Variants in YARS1 observed in about 807,000 individuals in gnomAD.
The protein encoded by YARS1 is tyrosyl-tRNA synthetase 1.
Under a neutral mutation model 62.2 loss-of-function variants are expected in YARS1, and 36 were observed. That is an observed-to-expected ratio of 0.58 (90% CI 0.44 to 0.76). The LOEUF is 0.76. YARS1 is among the 30% of genes least tolerant of loss of function. The pLI is 0.00. For synonymous variants in YARS1, 234 were observed against 244.9 expected (o/e 0.96, Z 0.42); for missense variants, 524 against 639.8 (o/e 0.82, Z 1.95).
intron 6 of YARS1, chr1:32,790,885 A>G: frequency 2.4e-6 from 1 of 421,490 alleles, no homozygotes; most frequent in East Asian, 5.0e-5. Context: ...GCTCTCATTA[A>G]TAAGGCTGAA....
chr1:32,782,225 G>T, intron 9 of YARS1, 179 bp downstream of exon 9: 1 of 1,003,006 alleles, frequency 1.0e-6, no homozygotes, highest in Non-Finnish European at 1.5e-6. Flanking sequence ...ACTTCCTGAT[G>T]TTAACCAAAC....
At chr1:32,796,965 C>A (rs866400023) in intron 5 of YARS1, among the ~76,000 whole-genome samples, 286 of 2,650 alleles carry the variant, frequency 0.11, 31 homozygotes, top group South Asian at 0.17. Context: ...AACTCAGTCT[C>A]AAAAAAAAAA....
rs745729433 is a variant in YARS1, at chr1:32,776,733, G to A, written c.1477-642C>T. 6.6e-6 allele frequency among the ~76,000 whole-genome samples: 1 copy of A among 152,034 alleles called. No homozygotes were observed. The highest frequency in any genetic ancestry group is 1.5e-5 in the Non-Finnish European group (1 of 68,022). ...TATAATCCCAGCATTTCGGGAGGCCGAGGTGGGCGGATCACGAGGTCAGGA... is the reference window on the plus strand; with the variant it reads ...TATAATCCCAGCATTTCGGGAGGCCAAGGTGGGCGGATCACGAGGTCAGGA... On this transcript the variant is annotated intron_variant, in intron 12 of 12. Coordinates refer to ENST00000373477, the MANE Select transcript of YARS1 (RefSeq NM_003680.4). This position sits in a 1 kb window ranked among gnomAD's most constrained non-coding sequence, Gnocchi z 4.0.
intron 4 of YARS1, chr1:32,798,157 C>A: frequency 2.8e-6 from 1 of 362,808 alleles, no homozygotes; most frequent in Non-Finnish European, 5.3e-6. Context: ...CAGGCGAGAG[C>A]CACCATGCCC....
At position 32,810,578 on chromosome 1, in the gene YARS1, A is replaced by G. The variant is rs1226490373; in HGVS notation, c.380+13T>C. On this transcript the variant is annotated intron_variant, in intron 3 of 12. Coordinates refer to ENST00000373477, the MANE Select transcript of YARS1 (RefSeq NM_003680.4). ...ACCAGAGCCACAAGGAGGGTGGATG[A>G]TCAAGCACTTACTTGCTGAGCTGGT... The G allele has an allele frequency of 2.4e-5, 38 of 1,612,472 alleles. No individual in the cohort carries two copies. The highest frequency in any genetic ancestry group is 2.8e-5 in the Non-Finnish European group (33 of 1,180,024).
At position 32,794,311 on chromosome 1, in the gene YARS1, C is replaced by T. The variant is rs186898596; in HGVS notation, c.592-3057G>A. Among the ~76,000 whole-genome samples the T allele has an allele frequency of 1.3e-3, 192 of 152,134 alleles. 1 individual carries two copies. The highest frequency in any genetic ancestry group is 4.5e-3 in the African/African-American group (185 of 41,506). ...GTTGCAGTGAGCCGAGATCATGCCGCTGCCCTTCAGCCTGGGTGATAGAGG... is the reference window on the plus strand; with the variant it reads ...GTTGCAGTGAGCCGAGATCATGCCGTTGCCCTTCAGCCTGGGTGATAGAGG... On this transcript the variant is annotated intron_variant, in intron 5 of 12. Coordinates refer to ENST00000373477, the MANE Select transcript of YARS1 (RefSeq NM_003680.4).
chr1:32,786,093 C>G (rs1383847205), intron 8 of YARS1, among the ~76,000 whole-genome samples: 1 of 152,060 alleles, frequency 6.6e-6, no homozygotes, highest in African/African-American at 2.4e-5. Context: ...GAGACAGAGT[C>G]CCTGCCAGGT....
chr1:32,815,596 G>C (rs1638693742), intron 1 of YARS1, among the ~76,000 whole-genome samples: 1 of 152,188 alleles, frequency 6.6e-6, no homozygotes. Context: ...CCATAAAAAG[G>C]AATGACGTTC....
chr1:32,792,294 C>G (rs1653434570), intron 5 of YARS1, among the ~76,000 whole-genome samples: 1 of 152,148 alleles, frequency 6.6e-6, no homozygotes, highest in African/African-American at 2.4e-5. Flanking sequence ...AAGGACCACA[C>G]CACAGGAGTA....
chr1:32,782,589 G>A, intron 8 of YARS1, 50 bp from the exon 9 acceptor site: 1 of 1,612,362 alleles, frequency 6.2e-7, no homozygotes, highest in Non-Finnish European at 8.5e-7. Context: ...ACAGGGCACA[G>A]GACACCTGAA....
At chr1:32,783,705 C>T (rs545127512) in intron 8 of YARS1, 6 of 152,276 alleles carry the variant, frequency 3.9e-5, no homozygotes, top group Admixed American at 1.3e-4. Flanking sequence ...TACAACAAAG[C>T]GAACATTTTT....
intron 12 of YARS1, among the ~76,000 whole-genome samples, chr1:32,778,011 C>T (rs757182009): frequency 2.0e-5 from 3 of 151,964 alleles, no homozygotes; most frequent in Non-Finnish European, 2.9e-5. Flanking sequence ...CAAAGTCAGC[C>T]TAGAAAACCA....
In YARS1 at chr1:32,797,757, A is replaced by T. The variant is rs761333566; in HGVS notation, c.591+6T>A. The T allele has an allele frequency of 1.1e-5, 17 of 1,613,334 alleles. No homozygotes were observed. The South Asian group carries it at 1.9e-4, about 18-fold the overall frequency. Reference sequence around the variant, plus strand: ...AGTGAAAAAAGACAGGAAAGCAGACACTCACCTTCTCTGCAAAGGTGAAAA... The same window carrying T: ...AGTGAAAAAAGACAGGAAAGCAGACTCTCACCTTCTCTGCAAAGGTGAAAA... On this transcript the variant is annotated splice_donor_region_variant and intron_variant, in intron 5 of 12. Coordinates refer to ENST00000373477, the MANE Select transcript of YARS1 (RefSeq NM_003680.4).
chr1:32,781,938 C>G (rs1407858956), intron 9 of YARS1: 1 of 177,020 alleles, frequency 5.6e-6, no homozygotes, highest in Non-Finnish European at 1.2e-5. Context: ...CTCAGCCTCC[C>G]AAGTAGCTGG....
intron 4 of YARS1, among the ~76,000 whole-genome samples, chr1:32,802,847 C>T (rs1305929988): frequency 6.6e-6 from 1 of 152,148 alleles, no homozygotes; most frequent in African/African-American, 2.4e-5. Context: ...GAGTCTCACT[C>T]TGTTACCCAG....
chr1:32,812,359 CAGAT>C (rs937418226), intron 1 of YARS1, among the ~76,000 whole-genome samples: 12 of 152,192 alleles, frequency 7.9e-5, no homozygotes, highest in Non-Finnish European at 1.8e-4. Flanking sequence ...CATTAAAACA[CAGAT>C]AGTAAGACTG....
rs144030640 is a variant in YARS1 at position 32,814,096 on chromosome 1, G to A, written c.58-3039C>T. On this transcript the variant is annotated intron_variant, in intron 1 of 12. Coordinates refer to ENST00000373477, the MANE Select transcript of YARS1 (RefSeq NM_003680.4). ...CCTGCTTACGCCCATACACAGAACC[G>A]TGTTCTTGTTATCAACCCAATCATT... 4.5e-3 allele frequency among the ~76,000 whole-genome samples: 690 copies of A among 152,216 alleles called. 2 individuals are homozygous for A. Among genetic ancestry groups the A allele is most frequent in the Non-Finnish European group, 7.4e-3 (504 of 68,026 alleles).
At chr1:32,804,961 G>A (rs1010433420) in intron 4 of YARS1, among the ~76,000 whole-genome samples, 11 of 152,272 alleles carry the variant, frequency 7.2e-5, no homozygotes, top group Admixed American at 3.9e-4. Flanking sequence ...CTGAGTGAGC[G>A]AGACTCCGTC....
chr1:32,801,741 A>C lies in YARS1; in HGVS notation c.511-3898T>G, dbSNP rs569387533. ...GACCCTGCTGCTGCTTTATCAACGA[A>C]GTTTATGTAATATTCAAAATCTTTT... On this transcript the variant is annotated intron_variant, in intron 4 of 12. Coordinates refer to ENST00000373477, the MANE Select transcript of YARS1 (RefSeq NM_003680.4). Among the ~76,000 whole-genome samples, 24 of 152,258 alleles carry C rather than the reference A, an allele frequency of 1.6e-4. No individual in the cohort carries two copies. In the South Asian group the frequency reaches 1.9e-3, roughly 12 times the overall value.
Sources: gnomAD v4.1 joint callset for allele counts (sites outside exome capture counted in the v4.1 genomes callset) on GRCh38, gnomAD v4.1.1 for gene constraint, Gnocchi (gnomAD v3.1) non-coding constraint, MANE v1.5 for transcripts, NCBI Gene and HGNC (gene_info 2026-07-23, HGNC 2026-07-21) for gene names.